The following DCTN5 variants were observed in gnomAD, a reference collection of about 807,000 sequenced individuals.
DCTN5 encodes dynactin subunit 5.
A neutral mutation model predicts 23.5 loss-of-function variants in DCTN5; 14 were observed. That is an observed-to-expected ratio of 0.60 (90% CI 0.39 to 0.93). The LOEUF is 0.93. Among genes scored for constraint, DCTN5 ranks in the 40% least tolerant of loss-of-function variants. The probability of loss-of-function intolerance (pLI) is 0.00; values close to 1 mark genes in which losing one functional copy is unlikely to be tolerated. For missense variants in DCTN5, 156 were observed against 225.9 expected (o/e 0.69, Z 1.98); for synonymous variants, 67 against 79.6 (o/e 0.84, Z 0.84).
At chr16:23,666,979 G>A in intron 5 of DCTN5, 68 bp from the exon 6 acceptor site, 1 of 1,599,866 alleles carries the variant, frequency 6.3e-7, no homozygotes, top group South Asian at 1.1e-5. Flanking sequence ...GAAGGATATT[G>A]CCAGAGAAAT....
At position 23,658,751 on chromosome 16, in the gene DCTN5, CA is replaced by C. The variant is rs1967758576; in HGVS notation, c.236+127del. 6 of 725,294 alleles carry C rather than the reference CA, an allele frequency of 8.3e-6. No individual in the cohort carries two copies. In the South Asian group the frequency reaches 1.0e-4, roughly 12 times the overall value. 44.9% of individuals were successfully genotyped at this position (725,294 alleles called of 1,614,324 possible). On this transcript the variant is annotated intron_variant, in intron 3 of 5. Transcript: ENST00000300087. ...TTTGAAGCACTGAGTAAGAGTTCAC[CA>C]TAATGAACACAACTCTGCTGGTGGT...
At chr16:23,662,788 G>A (rs887616951) in intron 4 of DCTN5, among the ~76,000 whole-genome samples, 2 of 152,158 alleles carry the variant, frequency 1.3e-5, no homozygotes, top group Non-Finnish European at 2.9e-5. Context: ...ATTTTCCTTA[G>A]CAAAGTGAAG....
chr16:23,643,066 G>T (rs546594210), intron 2 of DCTN5, 43 bp downstream of exon 2: 2 of 1,538,922 alleles, frequency 1.3e-6, no homozygotes, highest in East Asian at 2.2e-5. Context: ...CTTAGCTTGC[G>T]TTCTGCTAAT....
intron 2 of DCTN5, among the ~76,000 whole-genome samples, chr16:23,652,437 A>C (rs367718552): frequency 7.9e-5 from 12 of 152,360 alleles, no homozygotes; most frequent in African/African-American, 2.9e-4. Flanking sequence ...TCACCAAGTC[A>C]TATAGATTCT....
chr16:23,657,542 G>A (rs2140982321), intron 2 of DCTN5: 4 of 398,842 alleles, frequency 1.0e-5, no homozygotes, highest in South Asian at 5.3e-5. Context: ...CCAGGTTCAA[G>A]CGATTCTCCT....
In DCTN5 at chr16:23,667,051, C is replaced by A; in HGVS notation, c.456C>A (p.Leu152=). 6.2e-7 allele frequency: 1 copy of A among 1,613,816 alleles called. No homozygotes were observed. The highest frequency in any genetic ancestry group is 1.1e-5 in the South Asian group (1 of 91,064). The change falls in exon 6 of 6, where the codon CTC becomes CTA. Residue 152 remains leucine, a synonymous_variant. Transcript: ENST00000300087. The part of the protein sequence containing the change: ...PFTVFSGCPG[L]FSGELPECTQ... The stretch of plus-strand genomic sequence containing the variant: ...GCTGGGTCTTTCTTTCCCCAGGACT[C>A]TTCTCAGGGGAGCTCCCGGAGTGCA...
chr16:23,648,344 C>CTTTTTTTTTTTTTTTT (rs960786045), intron 2 of DCTN5, among the ~76,000 whole-genome samples: 1 of 105,524 alleles, frequency 9.5e-6, no homozygotes, highest in Admixed American at 9.9e-5. Flanking sequence ...TTTCTTTTTT[C>CTTTTTTTTTTTTTTTT]TTTTTTTTTT....
At chr16:23,655,524 T>A (rs1381285330) in intron 2 of DCTN5, among the ~76,000 whole-genome samples, 2 of 151,814 alleles carry the variant, frequency 1.3e-5, no homozygotes, top group South Asian at 4.2e-4. Context: ...TATAGGCACG[T>A]GCCACCATGC....
At chr16:23,641,734 C>A in intron 1 of DCTN5, 144 bp downstream of exon 1, 1 of 854,076 alleles carries the variant, frequency 1.2e-6, no homozygotes. Flanking sequence ...CCCCGTGTAC[C>A]GTCTGGCTTT....
In DCTN5 at chr16:23,669,124, C is replaced by T. The variant is rs1226566428; in HGVS notation, c.*1980C>T. On this transcript the variant is annotated 3_prime_UTR_variant, in exon 6 of 6. Coordinates refer to ENST00000300087, the MANE Select transcript of DCTN5 (RefSeq NM_032486.4). ...CTCACCCCAGGGACCTAGGAACAGCCTGTCACCACACAATTACTTTTATAA... is the reference window on the plus strand; with the variant it reads ...CTCACCCCAGGGACCTAGGAACAGCTTGTCACCACACAATTACTTTTATAA... 6.6e-6 allele frequency: 1 copy of T among 152,660 alleles called. No individual in the cohort carries two copies. Among genetic ancestry groups the T allele is most frequent in the African/African-American group, 2.4e-5 (1 of 41,450 alleles). The allele number at this position is 152,660 out of a possible 1,614,324, so 9.5% of individuals were successfully genotyped here. A position where few individuals can be genotyped will look rare whatever the true frequency, so the allele number is the denominator to read the frequency against.
chr16:23,645,112 TATATATATATATATATA>T (rs1967412600), intron 2 of DCTN5, among the ~76,000 whole-genome samples: 10 of 39,834 alleles, frequency 2.5e-4, no homozygotes, highest in Admixed American at 1.2e-3. Flanking sequence ...TATATATATA[TATATATATATATATATA>T]TATATATATT....
In DCTN5 at chr16:23,643,879, G is replaced by T. The variant is rs192569586; in HGVS notation, c.117+856G>T. On this transcript the variant is annotated intron_variant, in intron 2 of 5. Transcript: ENST00000300087. ...AACTTGGAAGAGAAAATATCACAGG[G>T]TATATTTGAGCTTGACAAACAGTGA... 2.7e-3 allele frequency among the ~76,000 whole-genome samples: 417 copies of T among 152,088 alleles called. 4 individuals are homozygous for T. The highest frequency in any genetic ancestry group is 4.0e-3 in the Non-Finnish European group (270 of 68,010).
chr16:23,652,412 C>T lies in DCTN5; in HGVS notation c.118-6095C>T, dbSNP rs186672551. On this transcript the variant is annotated intron_variant, in intron 2 of 5. Transcript: ENST00000300087. ...TTGTAAATTCTCTTTGTCTTACCTC[C>T]CAACAGCCGAACAGTCACCAAGTCA... Among the ~76,000 whole-genome samples the T allele has an allele frequency of 2.4e-4, 37 of 152,268 alleles. No homozygotes were observed. In the East Asian group the frequency reaches 3.9e-3, roughly 16 times the overall value.
In DCTN5 at chr16:23,670,373, C is replaced by G. The variant is rs1362022035; in HGVS notation, c.*3229C>G. ...ACAGTTCCTTTCTTAGTCACTGATA[C>G]ATCTGGCAGACTTGAAATTAATCAG... On this transcript the variant is annotated 3_prime_UTR_variant, in exon 6 of 6. Transcript: ENST00000300087. The G allele has an allele frequency of 6.6e-6, 1 of 152,186 alleles. No homozygotes were observed. Among genetic ancestry groups the G allele is most frequent in the Non-Finnish European group, 1.5e-5 (1 of 68,050 alleles). 9.4% of individuals were successfully genotyped at this position (152,186 alleles called of 1,614,324 possible).
chr16:23,647,266 G>T (rs1159821733), intron 2 of DCTN5, among the ~76,000 whole-genome samples: 1 of 151,778 alleles, frequency 6.6e-6, no homozygotes, highest in African/African-American at 2.4e-5. Context: ...CTGAATAGCT[G>T]GGATTACAGG....
chr16:23,650,941 C>T (rs985638461), intron 2 of DCTN5: 6 of 1,421,452 alleles, frequency 4.2e-6, no homozygotes, highest in African/African-American at 1.4e-5. Context: ...TACAGGCCCA[C>T]GTGGCAACAA....
chr16:23,664,945 C>T (rs561303413), intron 4 of DCTN5, among the ~76,000 whole-genome samples: 55 of 152,272 alleles, frequency 3.6e-4, no homozygotes, highest in African/African-American at 1.3e-3. Context: ...ATGTCACGGC[C>T]AAATGGCTCC....
At position 23,661,247 on chromosome 16, in the gene DCTN5, G is replaced by T. The variant is rs1967804662; in HGVS notation, c.314G>T (p.Gly105Val). 2 of 1,612,256 alleles carry T rather than the reference G, an allele frequency of 1.2e-6. No individual in the cohort carries two copies. The highest frequency in any genetic ancestry group is 8.5e-7 in the Non-Finnish European group (1 of 1,179,246). ...TGTGTGGTCAACGCAGCACAGATTGGTTCCTATGTTCATGTTGGGAAGAAC... is the reference window on the plus strand; with the variant it reads ...TGTGTGGTCAACGCAGCACAGATTGTTTCCTATGTTCATGTTGGGAAGAAC... ...EDCVVNAAQI[G>V]SYVHVGKNCV... Residue 105 changes from glycine to valine, a missense_variant, in exon 4 of 6, where the codon GGT becomes GTT. Gly to Val is a moderately radical substitution (Grantham distance 109). This residue lies in a region of DCTN5 where 153 missense variants were observed against 206.8 expected (regional missense o/e 0.74). Coordinates refer to ENST00000300087, the MANE Select transcript of DCTN5 (RefSeq NM_032486.4).
At chr16:23,663,121 G>A (rs901731181) in intron 4 of DCTN5, among the ~76,000 whole-genome samples, 7 of 152,180 alleles carry the variant, frequency 4.6e-5, no homozygotes, top group African/African-American at 1.7e-4. Context: ...CCATGTGATA[G>A]TCTTAATTTC....
Sources: allele counts gnomAD v4.1 joint callset (sites outside exome capture counted in the v4.1 genomes callset), GRCh38; gene constraint gnomAD v4.1.1; regional missense constraint gnomAD v4.1.1; transcripts MANE v1.5; gene names NCBI Gene and HGNC (gene_info 2026-07-23, HGNC 2026-07-21).